MACROD2: variants seen among roughly 807,000 people sequenced by gnomAD.
MACROD2 encodes the protein ADP-ribose glycohydrolase MACROD2.
Under a neutral mutation model 70.4 loss-of-function variants are expected in MACROD2, and 36 were observed. The ratio of observed to expected loss-of-function variants is 0.51; its 90% confidence interval spans 0.39 to 0.68. The LOEUF is 0.68. Ranked by LOEUF, MACROD2 falls within the 30% of genes least tolerant of loss-of-function variation. The probability of loss-of-function intolerance (pLI) is 0.00; values close to 1 mark genes in which losing one functional copy is unlikely to be tolerated. For missense variants in MACROD2, 496 were observed against 538.4 expected (o/e 0.92, Z 0.78); for synonymous variants, 172 against 178.8 (o/e 0.96, Z 0.30).
At chr20:14,725,611 G>A (rs1463889913) in intron 5 of MACROD2, among the ~76,000 whole-genome samples, 5 of 152,130 alleles carry the variant, frequency 3.3e-5, no homozygotes, top group South Asian at 2.1e-4. Context: ...GTGCTGGTAC[G>A]GAAGTAGAAA....
intron 4 of MACROD2, among the ~76,000 whole-genome samples, chr20:14,608,935 A>G (rs1280567560): frequency 6.6e-6 from 1 of 152,166 alleles, no homozygotes; most frequent in African/African-American, 2.4e-5. Context: ...ACCCTCAGAT[A>G]AGAATAAGTT....
At chr20:16,022,872 T>G (rs1165441397) in intron 15 of MACROD2, among the ~76,000 whole-genome samples, 1 of 152,220 alleles carries the variant, frequency 6.6e-6, no homozygotes, top group African/African-American at 2.4e-5. Flanking sequence ...ACATTGTGCA[T>G]GAATGCATGT....
chr20:15,326,890 G>A (rs953971997), intron 6 of MACROD2, among the ~76,000 whole-genome samples: 6 of 152,200 alleles, frequency 3.9e-5, no homozygotes, highest in Middle Eastern at 3.4e-3. Flanking sequence ...TCAGAAATGC[G>A]GTGAATTCCC....
intron 2 of MACROD2, among the ~76,000 whole-genome samples, chr20:14,083,021 TATG>T (rs1272334811): frequency 6.6e-6 from 1 of 150,954 alleles, no homozygotes; most frequent in Admixed American, 6.6e-5. Context: ...TAGTAATAAA[TATG>T]ATATTTTATT....
At chr20:14,530,794 G>A (rs184419111) in intron 4 of MACROD2, among the ~76,000 whole-genome samples, 47 of 152,210 alleles carry the variant, frequency 3.1e-4, no homozygotes, top group South Asian at 2.9e-3. Flanking sequence ...TATGGCATAC[G>A]TAACAGAATG....
intron 7 of MACROD2, among the ~76,000 whole-genome samples, chr20:15,461,021 A>T (rs1396232167): frequency 1.2e-4 from 8 of 67,090 alleles, no homozygotes; most frequent in Non-Finnish European, 2.9e-4. Context: ...TTTTTAATAG[A>T]TGGGGTCTTG....
At chr20:15,667,009 C>G (rs1323789967) in intron 8 of MACROD2, among the ~76,000 whole-genome samples, 1 of 152,210 alleles carries the variant, frequency 6.6e-6, no homozygotes, top group East Asian at 1.9e-4. Context: ...TTCTATCTAT[C>G]TATCAATTTA....
At position 15,751,967 on chromosome 20, in the gene MACROD2, A is replaced by G. The variant is rs544483624; in HGVS notation, c.646-110778A>G. On this transcript the variant is annotated intron_variant, in intron 8 of 17. Transcript: ENST00000684519. ...CATTTCTATTACTCTCCACTCTGTA[A>G]TAGAAAAGCTGAAATTATATCAAGG... 3.9e-5 allele frequency among the ~76,000 whole-genome samples: 6 copies of G among 152,002 alleles called. No homozygotes were observed. The East Asian group carries it at 1.2e-3, about 29-fold the overall frequency.
chr20:15,844,125 A>G (rs1193789286), intron 8 of MACROD2, among the ~76,000 whole-genome samples: 1 of 152,046 alleles, frequency 6.6e-6, no homozygotes, highest in Admixed American at 6.6e-5. Context: ...AACCTAGAAC[A>G]TGTAAATGTT....
intron 5 of MACROD2, among the ~76,000 whole-genome samples, chr20:15,007,295 T>C (rs965478751): frequency 6.6e-6 from 1 of 151,674 alleles, no homozygotes; most frequent in Non-Finnish European, 1.5e-5. Flanking sequence ...ACCTGGGAGT[T>C]GGAGGTTGCG....
At chr20:14,558,224 GC>G (rs1979181965) in intron 4 of MACROD2, among the ~76,000 whole-genome samples, 1 of 151,798 alleles carries the variant, frequency 6.6e-6, no homozygotes, top group Non-Finnish European at 1.5e-5. Flanking sequence ...AATACAAATG[GC>G]ATGAGTTTCT....
intron 4 of MACROD2, among the ~76,000 whole-genome samples, chr20:14,607,520 T>C (rs184327834): frequency 1.3e-5 from 2 of 152,280 alleles, no homozygotes; most frequent in Admixed American, 1.3e-4. Flanking sequence ...CTCACACTGC[T>C]CAATAACGAG....
intron 8 of MACROD2, among the ~76,000 whole-genome samples, chr20:15,571,088 A>T (rs746495480): frequency 2.6e-4 from 40 of 152,298 alleles, no homozygotes; most frequent in Non-Finnish European, 5.4e-4. Flanking sequence ...AAACTCTGCT[A>T]AAGAAATTTA....
chr20:14,915,252 G>A (rs564273723), intron 5 of MACROD2, among the ~76,000 whole-genome samples: 1 of 152,294 alleles, frequency 6.6e-6, no homozygotes, highest in Admixed American at 6.5e-5. Context: ...AAGTATGCAT[G>A]TGGAAACCTA....
At chr20:14,146,534 G>A (rs957127165) in intron 3 of MACROD2, among the ~76,000 whole-genome samples, 1 of 152,102 alleles carries the variant, frequency 6.6e-6, no homozygotes. Context: ...GAGGGAGAGA[G>A]GGACAAGAAG....
chr20:16,035,783 T>G (rs62194232), intron 15 of MACROD2, among the ~76,000 whole-genome samples: 1 of 139,596 alleles, frequency 7.2e-6, no homozygotes, highest in African/African-American at 3.1e-5. Context: ...AGTGTATCCA[T>G]CCACATGAGC....
At chr20:14,695,678 C>A (rs1600551380) in intron 5 of MACROD2, among the ~76,000 whole-genome samples, 2 of 152,286 alleles carry the variant, frequency 1.3e-5, no homozygotes, top group Admixed American at 6.5e-5. Context: ...AATGTGAGTG[C>A]GCTTGCAAGC....
rs1015821190 is a variant in MACROD2 at position 15,426,177 on chromosome 20, C to T, written c.541-5228C>T. Among the ~76,000 whole-genome samples the T allele has an allele frequency of 4.1e-5, 6 of 144,876 alleles. No homozygotes were observed. The East Asian group carries it at 6.0e-4, about 14-fold the overall frequency. On this transcript the variant is annotated intron_variant, in intron 6 of 17. Transcript: ENST00000684519. ...TATGACCCTGCCAAATCCCCCTCTG[C>T]GAGAAACACCCAAGAATGATCAATA...
At chr20:15,357,670 A>G (rs748576820) in intron 6 of MACROD2, among the ~76,000 whole-genome samples, 13 of 152,202 alleles carry the variant, frequency 8.5e-5, no homozygotes, top group Non-Finnish European at 1.5e-4. Flanking sequence ...CTTAGAATGT[A>G]ATACATACAA....
Sources: allele counts gnomAD v4.1 joint callset (sites outside exome capture counted in the v4.1 genomes callset), GRCh38; gene constraint gnomAD v4.1.1; transcripts MANE v1.5; gene names NCBI Gene and HGNC (gene_info 2026-07-23, HGNC 2026-07-21).